Variants in CEP63 observed in about 807,000 individuals in gnomAD.
The protein encoded by CEP63 is centrosomal protein of 63 kDa.
A neutral mutation model predicts 89.1 loss-of-function variants in CEP63; 84 were observed. The ratio of observed to expected loss-of-function variants is 0.94; its 90% confidence interval spans 0.79 to 1.13. The LOEUF (loss-of-function observed/expected upper bound fraction) is 1.13. Among genes scored for constraint, CEP63 ranks in the 50% most tolerant of loss-of-function variants. The pLI is 0.00. For synonymous variants in CEP63, 267 were observed against 272.5 expected, an observed-to-expected ratio of 0.98 and a Z score of 0.20; for missense variants, 838 against 813.3, an observed-to-expected ratio of 1.03 and a Z score of -0.37.
chr3:134,646,841 G>C, the CEP63 span, among the ~76,000 whole-genome samples: 1 of 152,232 alleles, frequency 6.6e-6, no homozygotes, highest in South Asian at 2.1e-4. Context: ...GTTTGTCCCT[G>C]GAGGCTGGGC....
At chr3:134,759,296 C>A in the CEP63 span, among the ~76,000 whole-genome samples, 1 of 152,198 alleles carries the variant, frequency 6.6e-6, no homozygotes, top group Non-Finnish European at 1.5e-5. Context: ...GAGGCTAGAC[C>A]TGTGACTTTT....
At chr3:134,524,571 T>C (rs188890491) in intron 3 of CEP63, among the ~76,000 whole-genome samples, 1 of 152,292 alleles carries the variant, frequency 6.6e-6, no homozygotes, top group Non-Finnish European at 1.5e-5. Context: ...ACCTAGTTTA[T>C]TGAGAGTTTT....
At chr3:134,768,333 A>G in the CEP63 span, among the ~76,000 whole-genome samples, 3 of 152,106 alleles carry the variant, frequency 2.0e-5, no homozygotes, top group Non-Finnish European at 4.4e-5. Flanking sequence ...CCAGCCCCGA[A>G]TTTTTCAGGA....
the CEP63 span, among the ~76,000 whole-genome samples, chr3:134,656,131 GATGAA>G: frequency 6.6e-6 from 1 of 152,172 alleles, no homozygotes; most frequent in Non-Finnish European, 1.5e-5. Flanking sequence ...AATGCCATAG[GATGAA>G]ATGAAAGAGT....
the CEP63 span, among the ~76,000 whole-genome samples, chr3:134,759,862 C>A: frequency 2.6e-5 from 4 of 152,166 alleles, no homozygotes; most frequent in East Asian, 7.7e-4. Context: ...ACTTTTAAGT[C>A]TTCACAATAG....
the CEP63 span, chr3:134,651,197 A>C: frequency 7.4e-7 from 1 of 1,344,076 alleles, no homozygotes; most frequent in South Asian, 1.5e-5. Context: ...CTTTGAAAGG[A>C]AATCCCCGGG....
Position 134,550,124 on chromosome 3 carries a change from T to C in CEP63, c.1244T>C (p.Met415Thr). 1 of 1,613,964 alleles carries C rather than the reference T, an allele frequency of 6.2e-7. No individual in the cohort carries two copies. The change falls in exon 11 of 15, where the codon ATG becomes ACG. Residue 415 changes from methionine (M) to threonine (T), a missense_variant. Met to Thr is a moderately conservative substitution (Grantham distance 81). Transcript: ENST00000675561. ...SYSSALEGMK[M>T]EISHLTQELH... The stretch of plus-strand genomic sequence containing the variant: ...AGTTCTGCACTAGAAGGAATGAAGA[T>C]GGAAATCTCCCATCTAACTCAGGAG...
the CEP63 span, chr3:134,615,406 T>C: frequency 7.2e-6 from 1 of 138,502 alleles, no homozygotes; most frequent in South Asian, 2.4e-4. Flanking sequence ...AATGGAAAAA[T>C]CATTTGACCT....
chr3:134,619,745 G>A, the CEP63 span, among the ~76,000 whole-genome samples: 1 of 152,250 alleles, frequency 6.6e-6, no homozygotes, highest in Non-Finnish European at 1.5e-5. Context: ...GAGGCCTGTG[G>A]TGAGGCCCTA....
At chr3:134,673,778 A>G in the CEP63 span, among the ~76,000 whole-genome samples, 7 of 152,066 alleles carry the variant, frequency 4.6e-5, no homozygotes, top group Non-Finnish European at 1.0e-4. Context: ...CCACCTACAG[A>G]CTTATGCACA....
the CEP63 span, among the ~76,000 whole-genome samples, chr3:134,760,584 G>A: frequency 6.6e-6 from 1 of 152,184 alleles, no homozygotes; most frequent in Non-Finnish European, 1.5e-5. Flanking sequence ...CATTTATTGA[G>A]CAATTCCTAT....
Position 134,499,854 on chromosome 3 carries a change from C to T in CEP63, c.44+4490C>T, listed in dbSNP as rs1007323021. ...TTTTTTTTTTTTTGAGATGGAGTCT[C>T]GCTCTGTTGCCCAGGCTGGAGTGCA... On this transcript the variant is annotated intron_variant, in intron 2 of 14. Transcript: ENST00000675561. Among the ~76,000 whole-genome samples, 92 of 124,716 alleles carry T rather than the reference C, an allele frequency of 7.4e-4. 1 individual carries two copies. The highest frequency in any genetic ancestry group is 7.5e-3 in the Middle Eastern group (1 of 134). 81.8% of individuals were successfully genotyped at this position (124,716 alleles called of 152,430 possible). A position where few individuals can be genotyped will look rare whatever the true frequency, so the allele number is the denominator to read the frequency against.
chr3:134,625,597 C>T, the CEP63 span, among the ~76,000 whole-genome samples: 2 of 152,164 alleles, frequency 1.3e-5, no homozygotes, highest in Non-Finnish European at 2.9e-5. Flanking sequence ...CAGCCACGGC[C>T]CTGGGGTGGA....
At chr3:134,625,132 T>A in the CEP63 span, 2 of 1,595,208 alleles carry the variant, frequency 1.3e-6, no homozygotes, top group Non-Finnish European at 1.7e-6. Flanking sequence ...ATCCCAGGGG[T>A]AGGCTGGAAA....
the CEP63 span, among the ~76,000 whole-genome samples, chr3:134,776,634 A>C: frequency 4.6e-5 from 7 of 152,280 alleles, no homozygotes; most frequent in Admixed American, 2.6e-4. Flanking sequence ...CCAGGAGTAC[A>C]CGCTCTTCTT....
chr3:134,602,348 T>C, the CEP63 span, among the ~76,000 whole-genome samples: 2 of 152,066 alleles, frequency 1.3e-5, no homozygotes, highest in African/African-American at 4.8e-5. Context: ...CTGAGGCCTC[T>C]CAGTCTGTGC....
the CEP63 span, among the ~76,000 whole-genome samples, chr3:134,738,249 TACACACACACACACACACAC>T: frequency 6.9e-6 from 1 of 145,678 alleles, no homozygotes; most frequent in South Asian, 2.2e-4. Flanking sequence ...TATTCCATCA[TACACACACACACACACACAC>T]ACACACACAC....
At chr3:134,572,291 G>A (rs958933320) in intron 11 of CEP63, among the ~76,000 whole-genome samples, 10 of 152,138 alleles carry the variant, frequency 6.6e-5, no homozygotes, top group African/African-American at 1.4e-4. Flanking sequence ...GGGGGTGCAC[G>A]TGCAGGTTTG....
the CEP63 span, among the ~76,000 whole-genome samples, chr3:134,647,219 C>T: frequency 7.9e-4 from 121 of 152,332 alleles, no homozygotes; most frequent in Non-Finnish European, 1.5e-3. Context: ...TGGCACTGCT[C>T]TTCAGCCACA....
Sources: allele counts gnomAD v4.1 joint callset (sites outside exome capture counted in the v4.1 genomes callset), GRCh38; gene constraint gnomAD v4.1.1; transcripts MANE v1.5; gene names NCBI Gene and HGNC (gene_info 2026-07-23, HGNC 2026-07-21).